Variants in NRG1 observed in about 807,000 individuals in gnomAD.
NRG1 encodes neuregulin 1.
In NRG1, 18 loss-of-function variants were observed where a neutral mutation model predicts 63.8. That is an observed-to-expected ratio of 0.28 (90% CI 0.19 to 0.42). The LOEUF is 0.42. Ranked by LOEUF, NRG1 falls within the 10% of genes least tolerant of loss-of-function variation. The pLI, the probability that NRG1 is intolerant of heterozygous loss-of-function variation, is 1.00. For synonymous variants in NRG1, 302 were observed against 301.3 expected (o/e 1.00, Z -0.02); for missense variants, 762 against 814.7 (o/e 0.94, Z 0.79).
At chr8:32,052,280 T>G (rs1323997931) in intron 1 of NRG1, among the ~76,000 whole-genome samples, 1 of 147,778 alleles carries the variant, frequency 6.8e-6, no homozygotes, top group African/African-American at 2.5e-5. Context: ...TGTTTTTTTT[T>G]TTTTTTTTTT....
At chr8:32,114,837 G>A (rs928057213) in intron 1 of NRG1, among the ~76,000 whole-genome samples, 1 of 152,124 alleles carries the variant, frequency 6.6e-6, no homozygotes, top group Non-Finnish European at 1.5e-5. Flanking sequence ...ACTCATACTG[G>A]TGCTGGTTTT....
chr8:32,639,335 G>C (rs1041932689), intron 5 of NRG1, among the ~76,000 whole-genome samples: 2 of 152,174 alleles, frequency 1.3e-5, no homozygotes, highest in African/African-American at 4.8e-5. Flanking sequence ...GAACCTGGGA[G>C]GTGGAGGCTG....
chr8:32,746,546 G>T (rs1456680120), intron 7 of NRG1, among the ~76,000 whole-genome samples: 1 of 152,058 alleles, frequency 6.6e-6, no homozygotes, highest in Non-Finnish European at 1.5e-5. Context: ...AGGTTAATCA[G>T]TTTTCCTCAA....
At chr8:32,577,724 C>T (rs375739948) in intron 1 of NRG1, among the ~76,000 whole-genome samples, 2 of 150,798 alleles carry the variant, frequency 1.3e-5, no homozygotes, top group African/African-American at 2.4e-5. Context: ...TTTTTCGAGA[C>T]CTTGGTTCTT....
At chr8:31,684,266 G>T (rs558183709) in intron 1 of NRG1, among the ~76,000 whole-genome samples, 1 of 152,156 alleles carries the variant, frequency 6.6e-6, no homozygotes, top group East Asian at 1.9e-4. Context: ...AAGAGGTGGG[G>T]CATTTAGGAG....
At chr8:32,347,509 TCCTA>T (rs1223867610) in intron 1 of NRG1, among the ~76,000 whole-genome samples, 50 of 152,306 alleles carry the variant, frequency 3.3e-4, no homozygotes, top group African/African-American at 1.2e-3. Flanking sequence ...CATCTCAGAT[TCCTA>T]AACTCTCTAG....
rs531431967 is a variant in NRG1, at chr8:31,779,943, T to C, written c.37+140512T>C. Among the ~76,000 whole-genome samples the C allele has an allele frequency of 2.4e-4, 36 of 152,328 alleles. No individual in the cohort carries two copies. In the Middle Eastern group the frequency reaches 0.01, roughly 43 times the overall value. ...ATTCTTGCTAGTGCAATATACTTAT[T>C]TGGAGAGGATTACAACATAAACAAG... On this transcript the variant is annotated intron_variant, in intron 1 of 10. Coordinates refer to the NRG1 transcript ENST00000519301.
intron 1 of NRG1, among the ~76,000 whole-genome samples, chr8:32,516,837 T>C (rs1829868539): frequency 6.6e-6 from 1 of 152,140 alleles, no homozygotes; most frequent in Non-Finnish European, 1.5e-5. Context: ...GGTAAGAGTG[T>C]CAAATTATTA....
At chr8:32,505,614 A>G (rs1355566624) in intron 1 of NRG1, among the ~76,000 whole-genome samples, 1 of 152,200 alleles carries the variant, frequency 6.6e-6, no homozygotes, top group Non-Finnish European at 1.5e-5. Context: ...AAAAATAGCC[A>G]AAGAGAAAGC....
chr8:31,771,886 G>A (rs551889855), intron 1 of NRG1, among the ~76,000 whole-genome samples: 1 of 152,262 alleles, frequency 6.6e-6, no homozygotes, highest in Admixed American at 6.5e-5. Context: ...TACAAGCACA[G>A]TGCAAAAATA....
intron 1 of NRG1, among the ~76,000 whole-genome samples, chr8:32,160,931 T>C (rs1418925500): frequency 6.6e-6 from 1 of 152,198 alleles, no homozygotes; most frequent in Non-Finnish European, 1.5e-5. Context: ...GCTGCATTTA[T>C]GGACTTGAAT....
At chr8:32,275,565 G>A (rs1030886454) in intron 1 of NRG1, among the ~76,000 whole-genome samples, 5 of 152,086 alleles carry the variant, frequency 3.3e-5, no homozygotes, top group African/African-American at 1.2e-4. Context: ...AAAATCCCTG[G>A]AACTGGGACA....
At chr8:31,759,071 G>A (rs979312229) in intron 1 of NRG1, among the ~76,000 whole-genome samples, 15 of 152,046 alleles carry the variant, frequency 9.9e-5, no homozygotes, top group Non-Finnish European at 1.5e-5. Context: ...AAATATCTAT[G>A]TCTTTTCACT....
intron 1 of NRG1, among the ~76,000 whole-genome samples, chr8:32,426,583 G>A (rs1817401855): frequency 6.6e-6 from 1 of 152,136 alleles, no homozygotes; most frequent in Non-Finnish European, 1.5e-5. Context: ...TTGTGAAGAT[G>A]ATAAATGGAA....
At chr8:31,871,379 G>A (rs950046031) in intron 1 of NRG1, among the ~76,000 whole-genome samples, 2 of 152,084 alleles carry the variant, frequency 1.3e-5, no homozygotes, top group Non-Finnish European at 1.5e-5. Context: ...GTTGCCATAA[G>A]AGACCCTCAA....
intron 1 of NRG1, among the ~76,000 whole-genome samples, chr8:32,520,527 A>C (rs116816363): frequency 0.012 from 1,837 of 152,288 alleles, 39 homozygotes; most frequent in African/African-American, 0.041. Flanking sequence ...GTGAAATTAA[A>C]ATGAGATATG....
At chr8:32,524,440 C>A (rs151068167) in intron 1 of NRG1, among the ~76,000 whole-genome samples, 249 of 152,160 alleles carry the variant, frequency 1.6e-3, no homozygotes, top group South Asian at 2.7e-3. Flanking sequence ...CTCTTGGTTC[C>A]TTTTTCCTGG....
At chr8:31,959,777 C>T (rs1455363076) in intron 1 of NRG1, among the ~76,000 whole-genome samples, 3 of 143,704 alleles carry the variant, frequency 2.1e-5, no homozygotes, top group African/African-American at 2.7e-5. Flanking sequence ...AAGCAACCAC[C>T]GATTATTTAT....
chr8:32,350,707 G>T (rs1186289234), intron 1 of NRG1, among the ~76,000 whole-genome samples: 2 of 151,780 alleles, frequency 1.3e-5, no homozygotes, highest in East Asian at 3.9e-4. Flanking sequence ...TCCATAATAT[G>T]TATTCTTATA....
Sources: gnomAD v4.1 joint callset for allele counts (sites outside exome capture counted in the v4.1 genomes callset) on GRCh38, gnomAD v4.1.1 for gene constraint, MANE v1.5 for transcripts, NCBI Gene and HGNC (gene_info 2026-07-23, HGNC 2026-07-21) for gene names.